Variants in TNS3 observed in about 807,000 individuals in gnomAD.
TNS3 encodes the protein tensin 3.
Under a neutral mutation model 140.9 loss-of-function variants are expected in TNS3, and 45 were observed. That is an observed-to-expected ratio of 0.32 (90% CI 0.25 to 0.41). The LOEUF (loss-of-function observed/expected upper bound fraction) is 0.41, where lower values mean the gene tolerates loss of function less well. Ranked by LOEUF, TNS3 falls within the 10% of genes least tolerant of loss-of-function variation. TNS3 has a pLI of 1.00. For synonymous variants in TNS3, 815 were observed against 788.4 expected, an observed-to-expected ratio of 1.03 and a Z score of -0.56; for missense variants, 1,716 against 1,906.7, an observed-to-expected ratio of 0.90 and a Z score of 1.86.
chr7:47,320,887 G>A (rs1190218895), intron 20 of TNS3, among the ~76,000 whole-genome samples: 1 of 152,202 alleles, frequency 6.6e-6, no homozygotes, highest in East Asian at 1.9e-4. Flanking sequence ...GAGTTCTCAG[G>A]GAATCTGCCA....
intron 8 of TNS3, among the ~76,000 whole-genome samples, chr7:47,432,199 T>C (rs562885782): frequency 3.9e-5 from 6 of 152,326 alleles, no homozygotes; most frequent in Admixed American, 3.3e-4. Context: ...AAAAGATGAT[T>C]GGGTCATGAG....
Position 47,413,328 on chromosome 7 carries a change from T to C in TNS3, c.647+609A>G, listed in dbSNP as rs1360117118. Among the ~76,000 whole-genome samples, 3 of 138,260 alleles carry C rather than the reference T, an allele frequency of 2.2e-5. No homozygotes were observed. The Admixed American group carries it at 2.4e-4, about 11-fold the overall frequency. 90.7% of individuals were successfully genotyped at this position (138,260 alleles called of 152,430 possible). On this transcript the variant is annotated intron_variant, in intron 12 of 30. Transcript: ENST00000311160. ...GTGCAGTGGTGTGATCTCGGCTCAC[T>C]GCAACCTCCACCTCCCAGGTTCAAG... is the stretch of plus-strand genomic sequence containing the variant.
chr7:47,312,950 C>T (rs1787189574), intron 20 of TNS3, among the ~76,000 whole-genome samples: 1 of 152,104 alleles, frequency 6.6e-6, no homozygotes, highest in Admixed American at 6.5e-5. Context: ...ACTAACATGG[C>T]CTACACCAGC....
chr7:47,326,023 G>A lies in TNS3; in HGVS notation c.2650+18732C>T, dbSNP rs1237316376. 2.0e-5 allele frequency among the ~76,000 whole-genome samples: 3 copies of A among 152,304 alleles called. 1 individual carries two copies. The highest frequency in any genetic ancestry group is 4.1e-4 in the South Asian group (2 of 4,828). On this transcript the variant is annotated intron_variant, in intron 20 of 30. Transcript: ENST00000311160. The stretch of plus-strand genomic sequence containing the variant: ...CACGGGAGCTTTCACTGTGCTTTTG[G>A]AGAAATGTTGCCATCAGTACAGGTG...
At chr7:47,357,567 G>A (rs1001140093) in intron 17 of TNS3, among the ~76,000 whole-genome samples, 3 of 152,152 alleles carry the variant, frequency 2.0e-5, no homozygotes, top group African/African-American at 4.8e-5. Context: ...TTAAAGAGCC[G>A]CACAACTTGC....
chr7:47,535,664 C>G (rs941177993), intron 1 of TNS3, among the ~76,000 whole-genome samples: 2 of 152,214 alleles, frequency 1.3e-5, no homozygotes, highest in African/African-American at 4.8e-5. Flanking sequence ...CACAAGGACT[C>G]CCTGAGGGGG....
chr7:47,560,902 G>A (rs1439053170), intron 1 of TNS3, among the ~76,000 whole-genome samples: 2 of 152,188 alleles, frequency 1.3e-5, no homozygotes, highest in Admixed American at 6.5e-5. Context: ...CCCACATCAG[G>A]CAGGCCATGG....
At chr7:47,317,721 G>A (rs1787491188) in intron 20 of TNS3, among the ~76,000 whole-genome samples, 1 of 152,172 alleles carries the variant, frequency 6.6e-6, no homozygotes, top group Non-Finnish European at 1.5e-5. Context: ...TGACACTGAA[G>A]TGGAGCTACT....
At chr7:47,515,695 CATCA>C (rs1798756941) in intron 2 of TNS3, among the ~76,000 whole-genome samples, 1 of 152,082 alleles carries the variant, frequency 6.6e-6, no homozygotes. Flanking sequence ...ATACCATCAT[CATCA>C]ATCACGCCAC....
rs182500979 is a variant in TNS3 at position 47,554,276 on chromosome 7, G to T, written c.-264-25129C>A. Among the ~76,000 whole-genome samples the T allele has an allele frequency of 9.0e-4, 137 of 151,784 alleles. 3 individuals carry two copies. In the East Asian group the frequency reaches 0.024, roughly 27 times the overall value. Reference sequence around the variant, plus strand: ...CTACTAAAAATACAAAAATTAGCCAGGCATGGTGGCGGGTGCCTGTAATCC... The same window carrying T: ...CTACTAAAAATACAAAAATTAGCCATGCATGGTGGCGGGTGCCTGTAATCC... On this transcript the variant is annotated intron_variant, in intron 1 of 30. Transcript: ENST00000311160.
At chr7:47,321,910 AG>A (rs1787756018) in intron 20 of TNS3, among the ~76,000 whole-genome samples, 1 of 152,152 alleles carries the variant, frequency 6.6e-6, no homozygotes, top group South Asian at 2.1e-4. Context: ...CAGTTCAGGG[AG>A]GGGGACCCAC....
rs1429366485 is a variant in TNS3, at chr7:47,280,144, A to C, written c.4193+20T>G. ...CAACTGCAGACAAGGAGAGAATGTA[A>C]AGAAATCTCAGCAACTTACTTTGAG... On this transcript the variant is annotated intron_variant, in intron 30 of 30. Coordinates refer to ENST00000311160, the MANE Select transcript of TNS3 (RefSeq NM_022748.12). The C allele has an allele frequency of 1.2e-6, 2 of 1,614,114 alleles. No homozygotes were observed. The highest frequency in any genetic ancestry group is 1.7e-6 in the Non-Finnish European group (2 of 1,179,996).
At chr7:47,353,473 A>C (rs150577106) in intron 17 of TNS3, among the ~76,000 whole-genome samples, 2,155 of 152,324 alleles carry the variant, frequency 0.014, 53 homozygotes, top group African/African-American at 0.049. Context: ...ATGATGTTCT[A>C]TCATTGCAGA....
chr7:47,449,757 C>T (rs1008609409), intron 4 of TNS3, among the ~76,000 whole-genome samples: 14 of 152,188 alleles, frequency 9.2e-5, no homozygotes, highest in Non-Finnish European at 1.5e-5. Flanking sequence ...AGGCGCCCGC[C>T]ACCACACCCG....
At chr7:47,302,819 C>T (rs865929318) in intron 22 of TNS3, 131 bp downstream of exon 22, 19 of 1,277,988 alleles carry the variant, frequency 1.5e-5, no homozygotes, top group South Asian at 3.2e-5. Context: ...AGTACCCCAA[C>T]GGCTCTGGAT....
chr7:47,409,990 A>C (rs188211865), intron 13 of TNS3, among the ~76,000 whole-genome samples: 6 of 152,310 alleles, frequency 3.9e-5, no homozygotes, highest in Admixed American at 3.9e-4. Context: ...CACTAGACCC[A>C]GTTCCAGAGT....
chr7:47,360,867 C>T (rs1006066756), intron 17 of TNS3, among the ~76,000 whole-genome samples: 2 of 152,136 alleles, frequency 1.3e-5, no homozygotes, highest in African/African-American at 2.4e-5. Context: ...ACACACAGTA[C>T]GGAAATAACG....
intron 9 of TNS3, among the ~76,000 whole-genome samples, chr7:47,427,250 A>G (rs1794707394): frequency 6.6e-6 from 1 of 151,678 alleles, no homozygotes. Context: ...AGGAATCTCG[A>G]TTTTCCTGGC....
intron 17 of TNS3, among the ~76,000 whole-genome samples, chr7:47,349,464 G>A (rs1789538094): frequency 6.6e-6 from 1 of 152,260 alleles, no homozygotes. Flanking sequence ...GAGAGCAGCT[G>A]TGGGTCTGAG....
Sources: allele counts gnomAD v4.1 joint callset (sites outside exome capture counted in the v4.1 genomes callset), GRCh38; gene constraint gnomAD v4.1.1; transcripts MANE v1.5; gene names NCBI Gene and HGNC (gene_info 2026-07-23, HGNC 2026-07-21).